RNF17: variants seen among roughly 807,000 people sequenced by gnomAD.
RNF17 encodes spermatogenesis associated 23.
Under a neutral mutation model 200.5 loss-of-function variants are expected in RNF17, and 31 were observed. The ratio of observed to expected loss-of-function variants is 0.15; its 90% confidence interval spans 0.12 to 0.21. The LOEUF is 0.21. Among genes scored for constraint, RNF17 ranks in the 10% least tolerant of loss-of-function variants. RNF17 has a pLI of 1.00. For missense variants in RNF17, 1,628 were observed against 1,905.1 expected, an observed-to-expected ratio of 0.85 and a Z score of 2.71; for synonymous variants, 606 against 637.8, an observed-to-expected ratio of 0.95 and a Z score of 0.75.
chr13:24,882,901 A>G (rs890541811), downstream of RNF17: 11 of 432,298 alleles, frequency 2.5e-5, no homozygotes, highest in African/African-American at 1.6e-4. Flanking sequence ...TTTCTAACCA[A>G]TAAACACACC....
intron 15 of RNF17, among the ~76,000 whole-genome samples, chr13:24,810,091 G>T (rs1163614810): frequency 2.0e-5 from 3 of 150,516 alleles, no homozygotes; most frequent in African/African-American, 4.9e-5. Context: ...TAGGTGTGGT[G>T]TGGTGCTGAA....
downstream of RNF17, chr13:24,882,523 T>TAA (rs1953890260): frequency 6.6e-6 from 1 of 152,650 alleles, no homozygotes. Flanking sequence ...GTCCATGGGT[T>TAA]AACACTGGCT....
chr13:24,782,387 A>G (rs1378431960), intron 6 of RNF17, among the ~76,000 whole-genome samples: 1 of 151,988 alleles, frequency 6.6e-6, no homozygotes, highest in African/African-American at 2.4e-5. Context: ...TTCCGAGACA[A>G]GGGTCTCACT....
In RNF17 at chr13:24,793,286, C is replaced by T. The variant is rs1884117411; in HGVS notation, c.1180C>T (p.Pro394Ser). Residue 394 changes from proline (P) to serine (S), a missense_variant, in exon 10 of 36, where the codon CCT becomes TCT. Pro to Ser is a moderately conservative substitution (Grantham distance 74). This residue lies in a region of RNF17 where 502 missense variants were observed against 501.7 expected (regional missense o/e 1.00). Coordinates refer to ENST00000255324, the MANE Select transcript of RNF17 (RefSeq NM_031277.3). ...TASPKTIAVL[P>S]QMGSSPDVII... is the part of the protein sequence containing the mutation. ...ATCCCCTAAAACCATTGCTGTGTTACCTCAGATGGGATCTAGCCCTGATGT... is the reference window on the plus strand; with the variant it reads ...ATCCCCTAAAACCATTGCTGTGTTATCTCAGATGGGATCTAGCCCTGATGT... 2 of 1,613,528 alleles carry T rather than the reference C, an allele frequency of 1.2e-6. No individual in the cohort carries two copies. The highest frequency in any genetic ancestry group is 2.2e-5 in the South Asian group (2 of 91,004).
chr13:24,864,033 A>G (rs911467251), intron 28 of RNF17, among the ~76,000 whole-genome samples: 1 of 152,168 alleles, frequency 6.6e-6, no homozygotes, highest in Non-Finnish European at 1.5e-5. Context: ...AAAATAAACT[A>G]TGAGGAGTAT....
upstream of RNF17, among the ~76,000 whole-genome samples, chr13:24,759,215 G>A (rs1878476672): frequency 6.6e-6 from 1 of 152,018 alleles, no homozygotes; most frequent in African/African-American, 2.4e-5. Flanking sequence ...GAGTTATGGA[G>A]ACAGAAGAGG....
At chr13:24,882,995 A>AAAT (rs943970005), downstream of RNF17, 26 of 616,192 alleles carry the variant, frequency 4.2e-5, no homozygotes, top group African/African-American at 4.4e-4. Context: ...AGTGAATTAT[A>AAAT]AATGAGAGCT....
the RNF17 span, among the ~76,000 whole-genome samples, chr13:24,748,753 G>GTTT: frequency 1.3e-5 from 2 of 149,024 alleles, no homozygotes; most frequent in East Asian, 2.0e-4. Context: ...TTTGTTTTTT[G>GTTT]TTTTTTTTTT....
At chr13:24,810,258 A>G (rs1343511047) in intron 15 of RNF17, among the ~76,000 whole-genome samples, 1 of 147,982 alleles carries the variant, frequency 6.8e-6, no homozygotes, top group Non-Finnish European at 1.5e-5. Flanking sequence ...GTCTCCCACT[A>G]TTAATGTGTG....
chr13:24,874,327 C>A, intron 33 of RNF17, 78 bp downstream of exon 33: 1 of 1,248,470 alleles, frequency 8.0e-7, no homozygotes, highest in Non-Finnish European at 1.1e-6. Context: ...ATTTTTGCCT[C>A]TTTTAAAAGA....
In RNF17 at chr13:24,782,349, GT is replaced by G. The variant is rs372041506; in HGVS notation, c.611+415del. ...CACCACTACATCCAGCTAATTTTGTGTTTTTTTTTTGTTGTTGTTGTTTTGT... is the reference window on the plus strand; with the variant it reads ...CACCACTACATCCAGCTAATTTTGTGTTTTTTTTTGTTGTTGTTGTTTTGT... On this transcript the variant is annotated intron_variant, in intron 6 of 35. Transcript: ENST00000255324. Among the ~76,000 whole-genome samples, 1,138 of 148,082 alleles carry G rather than the reference GT, an allele frequency of 7.7e-3. 15 individuals are homozygous for G. The highest frequency in any genetic ancestry group is 0.026 in the African/African-American group (1,045 of 40,620).
chr13:24,878,958 T>C lies in RNF17; in HGVS notation c.4774-229T>C, dbSNP rs554767595. 8.3e-4 allele frequency among the ~76,000 whole-genome samples: 126 copies of C among 152,290 alleles called. 1 individual carries two copies. The highest frequency in any genetic ancestry group is 1.2e-3 in the Non-Finnish European group (81 of 68,030). ...AAGGGATGGTGGTGACAAAGCCCACTGGCTTCATTTAGGAAGACCTTGTGA... is the reference window on the plus strand; with the variant it reads ...AAGGGATGGTGGTGACAAAGCCCACCGGCTTCATTTAGGAAGACCTTGTGA... On this transcript the variant is annotated intron_variant, in intron 34 of 35. Coordinates refer to ENST00000255324, the MANE Select transcript of RNF17 (RefSeq NM_031277.3).
At chr13:24,847,965 G>A (rs1233158665) in intron 22 of RNF17, among the ~76,000 whole-genome samples, 2 of 152,278 alleles carry the variant, frequency 1.3e-5, no homozygotes, top group African/African-American at 2.4e-5. Flanking sequence ...ATGTGTTTGT[G>A]TACATACTTT....
In RNF17 at chr13:24,823,723, A is replaced by G. The variant is rs572483994; in HGVS notation, c.2092-1896A>G. Among the ~76,000 whole-genome samples, 24 of 152,256 alleles carry G rather than the reference A, an allele frequency of 1.6e-4. No individual in the cohort carries two copies. The South Asian group carries it at 5.0e-3, about 32-fold the overall frequency. On this transcript the variant is annotated intron_variant, in intron 15 of 35. Coordinates refer to ENST00000255324, the MANE Select transcript of RNF17 (RefSeq NM_031277.3). Reference sequence around the variant, plus strand: ...GCAGACATGTGGCTTTGTAAACTCTACCATATATATGACTGCTTTTGAATG... The same window carrying G: ...GCAGACATGTGGCTTTGTAAACTCTGCCATATATATGACTGCTTTTGAATG...
intron 18 of RNF17, among the ~76,000 whole-genome samples, chr13:24,839,279 G>C (rs902277033): frequency 1.3e-5 from 2 of 152,090 alleles, no homozygotes; most frequent in Non-Finnish European, 2.9e-5. Flanking sequence ...TTGATGGGTA[G>C]AATGAATATT....
At chr13:24,880,539 C>T (rs1217612673), downstream of RNF17, among the ~76,000 whole-genome samples, 1 of 152,172 alleles carries the variant, frequency 6.6e-6, no homozygotes, top group African/African-American at 2.4e-5. Flanking sequence ...TCTGCTGTCA[C>T]ACAATTTTTA....
intron 24 of RNF17, among the ~76,000 whole-genome samples, chr13:24,852,747 T>C (rs1349363270): frequency 1.3e-5 from 2 of 152,178 alleles, no homozygotes. Context: ...GAATGGAAAA[T>C]GCTAGGCAAG....
the RNF17 span, among the ~76,000 whole-genome samples, chr13:24,757,455 G>A: frequency 4.6e-5 from 7 of 151,888 alleles, no homozygotes; most frequent in Non-Finnish European, 7.4e-5. Flanking sequence ...TCCTGAGTAG[G>A]TGGGACTACA....
chr13:24,885,543 T>C, the RNF17 span: 1 of 1,327,734 alleles, frequency 7.5e-7, no homozygotes, highest in South Asian at 1.2e-5. Context: ...TTAAGTCTAT[T>C]AACAAATTGA....
Sources: allele counts gnomAD v4.1 joint callset (sites outside exome capture counted in the v4.1 genomes callset), GRCh38; gene constraint gnomAD v4.1.1; regional missense constraint gnomAD v4.1.1; transcripts MANE v1.5; gene names NCBI Gene and HGNC (gene_info 2026-07-23, HGNC 2026-07-21).